ATP7B: variants seen among roughly 807,000 people sequenced by gnomAD.
ATP7B encodes copper-transporting ATPase 2.
In ATP7B, 113 loss-of-function variants were observed where a neutral mutation model predicts 118.9. The ratio of observed to expected loss-of-function variants is 0.95; its 90% CI spans 0.82 to 1.11. ATP7B has a LOEUF of 1.11. Among genes scored for constraint, ATP7B ranks in the 50% most tolerant of loss-of-function variants. ATP7B has a pLI of 0.00. For synonymous variants in ATP7B, 777 were observed against 727.4 expected (o/e 1.07, Z -1.10); for missense variants, 1,867 against 1,871.4 (o/e 1.00, Z 0.04).
rs765996758 is a variant in ATP7B, at chr13:51,939,559, A to G, written c.3557-366T>C. On this transcript the variant is annotated intron_variant, in intron 16 of 20. Coordinates refer to ENST00000242839, the MANE Select transcript of ATP7B (RefSeq NM_000053.4). ...CATTAGCTACTAAAATTCAAGAGAC[A>G]TAACAGATATCACTTAAAGTGATAA... Among the ~76,000 whole-genome samples the G allele has an allele frequency of 6.6e-5, 10 of 152,394 alleles. No homozygotes were observed. In the South Asian group the frequency reaches 1.2e-3, roughly 19 times the overall value.
intron 8 of ATP7B, 131 bp downstream of exon 8, chr13:51,958,180 T>C: frequency 9.3e-7 from 1 of 1,073,924 alleles, no homozygotes; most frequent in Non-Finnish European, 1.4e-6. Flanking sequence ...CTTAATTATA[T>C]GGAGGTTTCC....
In ATP7B at chr13:51,946,350, G is replaced by A. The variant is rs373102009; in HGVS notation, c.2994C>T (p.Gly998=). 5.6e-5 allele frequency: 90 copies of A among 1,612,124 alleles called. No homozygotes were observed. The highest frequency in any genetic ancestry group is 1.9e-4 in the Middle Eastern group (1 of 5,388). The stretch of plus-strand genomic sequence containing the variant: ...TGCCGTTCTGCGCGGCCACCCCGGT[G>A]CCCACCATGACAGCCGTGGGCGTGG... ...GLATPTAVMV[G]TGVAAQNGIL... Residue 998 remains glycine, a synonymous_variant, in exon 13 of 21, where the codon GGC becomes GGT. Transcript: ENST00000242839.
At chr13:51,977,090 G>A (rs1261772772) in intron 1 of ATP7B, among the ~76,000 whole-genome samples, 2 of 152,166 alleles carry the variant, frequency 1.3e-5, no homozygotes, top group Admixed American at 6.5e-5. Context: ...TTGAGCCCAG[G>A]AGTTCAAGGT....
chr13:51,992,638 C>A (rs900262144), intron 1 of ATP7B, among the ~76,000 whole-genome samples: 2 of 152,048 alleles, frequency 1.3e-5, no homozygotes, highest in African/African-American at 4.8e-5. Context: ...TAACTAAATT[C>A]TTTCTAAAAA....
chr13:51,937,837 A>G (rs960936373), intron 17 of ATP7B, among the ~76,000 whole-genome samples, 158 bp from the exon 18 acceptor site: 2 of 152,154 alleles, frequency 1.3e-5, no homozygotes, highest in African/African-American at 4.8e-5. Flanking sequence ...GGGCCAGTTT[A>G]TCCCTGGCTC....
chr13:51,944,141 AG>A lies in ATP7B; in HGVS notation c.3210del (p.Leu1071TrpfsTer50). On this transcript the variant is annotated frameshift_variant, in exon 14 of 21. Transcript: ENST00000242839. LOFTEE classifies it high-confidence loss of function. Reference sequence around the variant, plus strand: ...CAGTATTTGGTGACTGCCACGCCCAAGGGGTGTTCACTGCTGGCCTCCGCAG... The same window carrying A: ...CAGTATTTGGTGACTGCCACGCCCAAGGGTGTTCACTGCTGGCCTCCGCAG... The part of the protein sequence containing the change: ...VGTAEASSEH[P>X]LGVAVTKYCK... The A allele has an allele frequency of 6.2e-7, 1 of 1,614,158 alleles. No individual in the cohort carries two copies. Among genetic ancestry groups the A allele is most frequent in the South Asian group, 1.1e-5 (1 of 91,086 alleles).
At chr13:51,987,216 CAA>C (rs571302721) in intron 1 of ATP7B, among the ~76,000 whole-genome samples, 3 of 152,214 alleles carry the variant, frequency 2.0e-5, no homozygotes, top group Non-Finnish European at 4.4e-5. Flanking sequence ...GCAATTTCAG[CAA>C]AGTCTCAGGA....
intron 1 of ATP7B, among the ~76,000 whole-genome samples, chr13:51,981,681 T>C (rs1020440416): frequency 2.6e-5 from 4 of 152,170 alleles, no homozygotes; most frequent in Admixed American, 2.0e-4. Flanking sequence ...GAAGAATCAA[T>C]GTCCCATATT....
At position 51,941,087 on chromosome 13, in the gene ATP7B, T is replaced by C. The variant is rs1057519121; in HGVS notation, c.3550A>G (p.Ile1184Val). ...MKGQTAILVA[I>V]DGVLCGMIAI... is the part of the protein sequence containing the mutation. ...AGGCAGAAGCAGAAGATACCGTCAA[T>C]AGCCACCAGGATGGCTGTCTGTCCT... The change falls in exon 16 of 21, where the codon ATT becomes GTT. Residue 1184 changes from isoleucine to valine, a missense_variant. Transcript: ENST00000242839. The C allele has an allele frequency of 1.9e-6, 3 of 1,614,088 alleles. No individual in the cohort carries two copies. The highest frequency in any genetic ancestry group is 2.2e-5 in the East Asian group (1 of 44,904).
chr13:52,001,163 G>A (rs1485215997), intron 1 of ATP7B, among the ~76,000 whole-genome samples: 4 of 152,020 alleles, frequency 2.6e-5, no homozygotes, highest in Non-Finnish European at 5.9e-5. Context: ...ACATCCACAA[G>A]AACCCTGGTC....
At position 51,974,656 on chromosome 13, in the gene ATP7B, C is replaced by A; in HGVS notation, c.564G>T (p.Gln188His). ...GGTCTTCGGGCTGAATGAGATAAGG[C>A]TGATAAGTGATGACGGCCTCTTGGT... ...LSNQEAVITYQPYLIQPEDLR... is the reference protein window; with the variant it reads ...LSNQEAVITYHPYLIQPEDLR... Residue 188 changes from glutamine (Q) to histidine (H), a missense_variant, in exon 2 of 21, where the codon CAG becomes CAT. By Grantham distance (24) the Gln-to-His change is conservative. Coordinates refer to ENST00000242839, the MANE Select transcript of ATP7B (RefSeq NM_000053.4). 5 of 1,611,430 alleles carry A rather than the reference C, an allele frequency of 3.1e-6. No individual in the cohort carries two copies. Among genetic ancestry groups the A allele is most frequent in the Non-Finnish European group, 4.2e-6 (5 of 1,177,960 alleles).
chr13:51,995,243 A>C, intron 1 of ATP7B: 3 of 948,696 alleles, frequency 3.2e-6, no homozygotes, highest in Non-Finnish European at 1.3e-6. Flanking sequence ...AGAGACATGG[A>C]GAGAAACCTC....
chr13:51,973,822 A>T, intron 2 of ATP7B, 113 bp downstream of exon 2: 1 of 1,477,222 alleles, frequency 6.8e-7, no homozygotes, highest in Non-Finnish European at 9.4e-7. Flanking sequence ...ATTTTGTTCC[A>T]CTGTTGACAT....
rs1190494895 is a variant in ATP7B, at chr13:51,944,363, A to C, written c.3061-72T>G. Reference sequence around the variant, plus strand: ...GCTTCCATAGTCACACTCCTGAGGCAGAACTTCACCCAACCTGCCTCAGAC... The same window carrying C: ...GCTTCCATAGTCACACTCCTGAGGCCGAACTTCACCCAACCTGCCTCAGAC... On this transcript the variant is annotated intron_variant, in intron 13 of 20. Transcript: ENST00000242839. 7 of 1,583,950 alleles carry C rather than the reference A, an allele frequency of 4.4e-6. No homozygotes were observed. In the East Asian group the frequency reaches 1.6e-4, roughly 36 times the overall value.
intron 1 of ATP7B, among the ~76,000 whole-genome samples, chr13:51,996,458 G>A (rs1226247878): frequency 1.3e-5 from 2 of 152,266 alleles, no homozygotes; most frequent in East Asian, 3.9e-4. Flanking sequence ...CTCCACCACA[G>A]CCACTAATTC....
chr13:51,944,323 A>G (rs772149019), intron 13 of ATP7B, 32 bp from the exon 14 acceptor site: 2 of 1,612,922 alleles, frequency 1.2e-6, no homozygotes, highest in Non-Finnish European at 1.7e-6. Flanking sequence ...CACTGACCAC[A>G]ATACAGATGG....
intron 1 of ATP7B, among the ~76,000 whole-genome samples, chr13:52,007,663 TA>T (rs537001530): frequency 2.0e-3 from 306 of 152,178 alleles, no homozygotes; most frequent in African/African-American, 7.1e-3. Context: ...ACCCCACAGG[TA>T]AGGGCTCAGG....
chr13:51,967,643 G>C (rs1211048273), intron 4 of ATP7B, among the ~76,000 whole-genome samples: 5 of 152,232 alleles, frequency 3.3e-5, no homozygotes, highest in Admixed American at 1.3e-4. Flanking sequence ...ATGGGCCTCT[G>C]TGTCCTCAGT....
chr13:51,959,957 G>T (rs1958621044), intron 7 of ATP7B, 191 bp downstream of exon 7: 7 of 696,270 alleles, frequency 1.0e-5, no homozygotes, highest in Non-Finnish European at 1.2e-5. Flanking sequence ...CCCACACTGG[G>T]GGGGCCCCAA....
Sources: allele counts gnomAD v4.1 joint callset (sites outside exome capture counted in the v4.1 genomes callset), GRCh38; gene constraint gnomAD v4.1.1; transcripts MANE v1.5; gene names NCBI Gene and HGNC (gene_info 2026-07-23, HGNC 2026-07-21).